ERBB4: variants seen among roughly 807,000 people sequenced by gnomAD.
ERBB4 encodes erb-b2 receptor tyrosine kinase 4, also known as receptor tyrosine-protein kinase erbB-4.
Under a neutral mutation model 158.0 loss-of-function variants are expected in ERBB4, and 42 were observed. That is an observed-to-expected ratio of 0.27 (90% confidence interval 0.21 to 0.34). ERBB4 has a LOEUF of 0.34. ERBB4 is among the 10% of genes least tolerant of loss of function. The pLI is 1.00. For missense variants in ERBB4, 1,333 were observed against 1,624.1 expected (o/e 0.82, Z 3.08); for synonymous variants, 583 against 558.7 (o/e 1.04, Z -0.61).
chr2:211,953,265 A>C (rs1303134544), intron 2 of ERBB4, among the ~76,000 whole-genome samples: 1 of 152,042 alleles, frequency 6.6e-6, no homozygotes, highest in African/African-American at 2.4e-5. Context: ...GGATAGCATT[A>C]GGAGAAATAC....
chr2:212,204,334 A>G lies in ERBB4; in HGVS notation c.83-79431T>C, dbSNP rs530292120. Among the ~76,000 whole-genome samples the G allele has an allele frequency of 2.0e-5, 3 of 152,234 alleles. No individual in the cohort carries two copies. The East Asian group carries it at 5.8e-4, about 29-fold the overall frequency. The stretch of plus-strand genomic sequence containing the variant: ...AAAATATTATTTTGTTTTAAACTTA[A>G]TGTGTCTTTTTTGCTTTCATTCTGT... On this transcript the variant is annotated intron_variant, in intron 1 of 27. Transcript: ENST00000342788.
rs1471584045 is a variant in ERBB4, at chr2:211,758,152, A to T, written c.557-7448T>A. On this transcript the variant is annotated intron_variant, in intron 4 of 27. Transcript: ENST00000342788. ...AGTTAGAAATAACCTAATACATATT[A>T]TGCCAAAAATGAAATAAACATGAAC... 2.0e-5 allele frequency among the ~76,000 whole-genome samples: 3 copies of T among 152,224 alleles called. No homozygotes were observed. In the East Asian group the frequency reaches 5.8e-4, roughly 29 times the overall value.
At chr2:211,851,139 A>G (rs545874298) in intron 3 of ERBB4, among the ~76,000 whole-genome samples, 1 of 152,094 alleles carries the variant, frequency 6.6e-6, no homozygotes, top group South Asian at 2.1e-4. Flanking sequence ...TTTTGTTTTG[A>G]ATAAAAATTG....
chr2:212,512,256 A>G (rs1285877465), intron 1 of ERBB4, among the ~76,000 whole-genome samples: 2 of 152,120 alleles, frequency 1.3e-5, no homozygotes, highest in Non-Finnish European at 2.9e-5. Flanking sequence ...TCCTGACTTC[A>G]TACCTTTAGA....
chr2:211,655,228 C>A (rs946485950), intron 16 of ERBB4, among the ~76,000 whole-genome samples: 6 of 151,990 alleles, frequency 3.9e-5, no homozygotes, highest in African/African-American at 1.4e-4. Context: ...CTTCAAGGGG[C>A]CCATCAAAAG....
At chr2:211,944,065 T>C (rs1043370714) in intron 3 of ERBB4, among the ~76,000 whole-genome samples, 3 of 123,176 alleles carry the variant, frequency 2.4e-5, no homozygotes, top group African/African-American at 8.8e-5. Context: ...TATATATATA[T>C]ATACACATGG....
chr2:211,765,090 C>G (rs1183278868), intron 4 of ERBB4, among the ~76,000 whole-genome samples: 4 of 152,150 alleles, frequency 2.6e-5, no homozygotes, highest in African/African-American at 9.7e-5. Context: ...CCCCATCTCA[C>G]TCCCTCGCCT....
chr2:212,223,701 A>C (rs1455018885), intron 1 of ERBB4, among the ~76,000 whole-genome samples: 1 of 151,434 alleles, frequency 6.6e-6, no homozygotes, highest in East Asian at 1.9e-4. Flanking sequence ...TTAAGACTTT[A>C]AAAAATTGTT....
chr2:212,379,833 C>T (rs1223863014), intron 1 of ERBB4, among the ~76,000 whole-genome samples: 1 of 149,104 alleles, frequency 6.7e-6, no homozygotes, highest in East Asian at 2.0e-4. Context: ...GTGTGTGTGT[C>T]TGTGTGTGTG....
intron 2 of ERBB4, among the ~76,000 whole-genome samples, chr2:212,039,242 GAACTAT>G (rs1404536611): frequency 1.3e-5 from 2 of 152,066 alleles, no homozygotes; most frequent in Non-Finnish European, 2.9e-5. Flanking sequence ...CGTTTTATAT[GAACTAT>G]AACTATGTTT....
intron 3 of ERBB4, among the ~76,000 whole-genome samples, chr2:211,835,782 G>A (rs372292800): frequency 6.6e-6 from 1 of 152,008 alleles, no homozygotes; most frequent in African/African-American, 2.4e-5. Flanking sequence ...CGTGAAGTAG[G>A]TCATGATCAT....
At chr2:211,869,542 G>A (rs970603821) in intron 3 of ERBB4, among the ~76,000 whole-genome samples, 9 of 152,076 alleles carry the variant, frequency 5.9e-5, no homozygotes. Flanking sequence ...TGAGTTATTA[G>A]GTTGCATAGG....
intron 3 of ERBB4, 134 bp downstream of exon 3, chr2:211,947,296 A>G (rs970386035): frequency 5.2e-6 from 4 of 766,342 alleles, no homozygotes; most frequent in Non-Finnish European, 8.7e-6. Context: ...CATTGCTTAT[A>G]AAACAAATAA....
At chr2:211,762,508 A>G (rs188875254) in intron 4 of ERBB4, among the ~76,000 whole-genome samples, 55 of 152,316 alleles carry the variant, frequency 3.6e-4, no homozygotes, top group Non-Finnish European at 5.9e-5. Context: ...TATGTTTCAG[A>G]AAGGGAAACA....
intron 4 of ERBB4, among the ~76,000 whole-genome samples, chr2:211,767,648 A>C (rs2106257329): frequency 6.6e-6 from 1 of 152,306 alleles, no homozygotes; most frequent in South Asian, 2.1e-4. Flanking sequence ...AGGAAGGATA[A>C]GAATGAGCAG....
intron 2 of ERBB4, among the ~76,000 whole-genome samples, chr2:212,112,888 AAAACCATTTAAC>A (rs1559520340): frequency 6.6e-6 from 1 of 152,228 alleles, no homozygotes; most frequent in African/African-American, 2.4e-5. Context: ...TCACTGGAAG[AAAACCATTTAAC>A]ACAGCTTATT....
chr2:212,281,940 T>A (rs909574031), intron 1 of ERBB4, among the ~76,000 whole-genome samples: 1 of 151,814 alleles, frequency 6.6e-6, no homozygotes, highest in African/African-American at 2.4e-5. Flanking sequence ...CAATACACGA[T>A]ACGTTTATAA....
At chr2:212,310,823 T>C (rs773887687) in intron 1 of ERBB4, among the ~76,000 whole-genome samples, 1 of 150,402 alleles carries the variant, frequency 6.6e-6, no homozygotes, top group African/African-American at 2.4e-5. Flanking sequence ...CTGGTAGAAG[T>C]AGAATGTAAA....
intron 16 of ERBB4, among the ~76,000 whole-genome samples, chr2:211,641,452 A>C (rs1227257785): frequency 6.6e-6 from 1 of 152,120 alleles, no homozygotes. Context: ...ACCTGTTCAT[A>C]GTGCTATTTG....
Sources: gnomAD v4.1 joint callset for allele counts (sites outside exome capture counted in the v4.1 genomes callset) on GRCh38, gnomAD v4.1.1 for gene constraint, MANE v1.5 for transcripts, NCBI Gene and HGNC (gene_info 2026-07-23, HGNC 2026-07-21) for gene names.